The following APOL3 variants were observed in gnomAD, a reference collection of about 807,000 sequenced individuals.
The protein encoded by APOL3 is TNF-inducible protein CG12-1.
Under a neutral mutation model 11.6 loss-of-function variants are expected in APOL3, and 14 were observed. That is an observed-to-expected ratio of 1.21 (90% confidence interval 0.80 to 1.89). The LOEUF (loss-of-function observed/expected upper bound fraction) is 1.89, where lower values mean the gene tolerates loss of function less well. Among genes scored for constraint, APOL3 ranks in the 40% most tolerant of loss-of-function variants. APOL3 has a pLI of 0.00. For missense variants in APOL3, 483 were observed against 492.1 expected (o/e 0.98, Z 0.17); for synonymous variants, 192 against 190.6 (o/e 1.01, Z -0.06).
rs5750230 is a variant in APOL3, at chr22:36,154,337, T to G, written c.223+6332A>C. ...TTGTGATTATTATGATCATGTTTAC[T>G]TGGTCCAAGATGAATCTGTGAAAGG... On this transcript the variant is annotated intron_variant, in intron 1 of 2. Coordinates refer to ENST00000349314, the Ensembl canonical transcript of APOL3. 424 of 248,522 alleles carry G rather than the reference T, an allele frequency of 1.7e-3. 11 individuals are homozygous for G. The East Asian group carries it at 0.043, about 25-fold the overall frequency. 15.4% of individuals were successfully genotyped at this position (248,522 alleles called of 1,614,324 possible). A position where few individuals can be genotyped will look rare whatever the true frequency, so the allele number is the denominator to read the frequency against.
chr22:36,157,084 C>T (rs1240316256), intron 1 of APOL3: 2 of 453,254 alleles, frequency 4.4e-6, no homozygotes, highest in Non-Finnish European at 8.9e-6. Flanking sequence ...TCTGAGTTTC[C>T]ATTTATTTTC....
intron 1 of APOL3, among the ~76,000 whole-genome samples, chr22:36,150,656 G>A (rs1422977328): frequency 1.3e-5 from 2 of 152,214 alleles, no homozygotes; most frequent in Admixed American, 6.5e-5. Flanking sequence ...GGATCACGAG[G>A]TCAGGAGATC....
At chr22:36,140,457 G>C (rs1244544525) in exon 3 of APOL3, 3 of 152,212 alleles carry the variant, frequency 2.0e-5, no homozygotes, top group African/African-American at 7.2e-5. Context: ...TGCTGTATAT[G>C]AGTAATGAGA....
rs561665577 is a variant in APOL3, at chr22:36,141,595, CA to C, written c.813del (p.Asp272ThrfsTer38). 5.0e-5 allele frequency: 81 copies of C among 1,614,216 alleles called. 1 individual carries two copies. The South Asian group carries it at 8.8e-4, about 18-fold the overall frequency. ...AGGGAAAGTAAGTTGGGTGTGATGT[CA>C]CGCATAACTTCCTTAAATACCTTCA... On this transcript the variant is annotated frameshift_variant, in exon 3 of 3. Transcript: ENST00000349314. LOFTEE classifies it low-confidence loss of function (END_TRUNC).
intron 1 of APOL3, among the ~76,000 whole-genome samples, chr22:36,160,130 G>C (rs1342891416): frequency 6.6e-6 from 1 of 152,128 alleles, no homozygotes; most frequent in Non-Finnish European, 1.5e-5. Context: ...TGATCTACCC[G>C]TCTCGGCCTC....
Position 36,141,600 on chromosome 22 carries a change from A to G in APOL3, c.809T>C (p.Met270Thr), listed in dbSNP as rs1482458769. 6.2e-7 allele frequency: 1 copy of G among 1,614,220 alleles called. No homozygotes were observed. Among genetic ancestry groups the G allele is most frequent in the South Asian group, 1.1e-5 (1 of 91,088 alleles). ...AAGTAAGTTGGGTGTGATGTCACGC[A>G]TAACTTCCTTAAATACCTTCAATCG... Residue 270 changes from methionine to threonine, a missense_variant, in exon 3 of 3, where the codon ATG becomes ACG. Coordinates refer to ENST00000349314, the Ensembl canonical transcript of APOL3.
intron 1 of APOL3, chr22:36,153,219 T>A (rs2012102834): frequency 3.0e-6 from 1 of 331,022 alleles, no homozygotes; most frequent in Non-Finnish European, 6.1e-6. Context: ...CGTATACACT[T>A]ATTAATTGAT....
intron 1 of APOL3, among the ~76,000 whole-genome samples, chr22:36,147,566 T>TTGC (rs1319547883): frequency 6.6e-6 from 1 of 152,176 alleles, no homozygotes; most frequent in African/African-American, 2.4e-5. Context: ...AGAGCCCAGT[T>TTGC]TGCTGTCCAG....
At chr22:36,160,630 G>A (rs1314172149) in intron 1 of APOL3, 39 bp downstream of exon 1, 2 of 1,596,570 alleles carry the variant, frequency 1.3e-6, no homozygotes, top group East Asian at 2.2e-5. Flanking sequence ...CTGCTGTGAG[G>A]ATGGGGAGAT....
chr22:36,157,215 C>A (rs563368398), intron 1 of APOL3, among the ~76,000 whole-genome samples: 11 of 152,330 alleles, frequency 7.2e-5, no homozygotes, highest in Non-Finnish European at 1.3e-4. Context: ...TCCCCTCCCC[C>A]ACGGCAATGG....
chr22:36,164,749 A>G (rs1268445599), upstream of APOL3: 4 of 152,174 alleles, frequency 2.6e-5, no homozygotes, highest in Admixed American at 6.6e-5. Context: ...CAGTCTCACA[A>G]CTTCGGGCAA....
Position 36,145,487 on chromosome 22 carries a change from C to T in APOL3, c.336G>A (p.Ala112=), listed in dbSNP as rs576698455. ...ACGGAGGTTACCTGGGCAATTCAGC[C>T]GCAGTCACGAATCTCTTCCAGGCTT... Residue 112 remains alanine, a synonymous_variant, in exon 2 of 3, where the codon GCG becomes GCA. Coordinates refer to ENST00000349314, the Ensembl canonical transcript of APOL3. 4.1e-5 allele frequency: 66 copies of T among 1,614,036 alleles called. No individual in the cohort carries two copies. In the South Asian group the frequency reaches 5.6e-4, roughly 14 times the overall value.
Position 36,142,951 on chromosome 22 carries a change from G to A in APOL3, c.351-893C>T, listed in dbSNP as rs998360203. Reference sequence around the variant, plus strand: ...CTGAGCATTCTTGCTGTCTGATCACGGTCTTCACCCGCTCCTTACCTGCCT... The same window carrying A: ...CTGAGCATTCTTGCTGTCTGATCACAGTCTTCACCCGCTCCTTACCTGCCT... On this transcript the variant is annotated intron_variant, in intron 2 of 2. Coordinates refer to ENST00000349314, the Ensembl canonical transcript of APOL3. Among the ~76,000 whole-genome samples the A allele has an allele frequency of 8.5e-5, 13 of 152,160 alleles. No homozygotes were observed. The East Asian group carries it at 2.1e-3, about 25-fold the overall frequency.
intron 1 of APOL3, 120 bp from the exon 3 acceptor site, chr22:36,145,719 T>G (rs1276177662): frequency 2.3e-6 from 3 of 1,283,844 alleles, no homozygotes; most frequent in Non-Finnish European, 2.2e-6. Context: ...GTATTTTTGA[T>G]GGAGGCATCA....
At chr22:36,158,091 A>G (rs1212152075) in intron 1 of APOL3, among the ~76,000 whole-genome samples, 1 of 152,150 alleles carries the variant, frequency 6.6e-6, no homozygotes, top group Non-Finnish European at 1.5e-5. Flanking sequence ...AAATGGGTAA[A>G]AGATAGGATC....
chr22:36,150,015 T>G (rs1169425144), intron 1 of APOL3: 8 of 414,794 alleles, frequency 1.9e-5, no homozygotes, highest in Non-Finnish European at 3.9e-5. Flanking sequence ...CTTGCTTTGT[T>G]GCCCAGAGCT....
chr22:36,160,870 C>T (rs1257138080), exon 1 of APOL3: 8 of 1,613,380 alleles, frequency 5.0e-6, no homozygotes, highest in Non-Finnish European at 5.9e-6. Flanking sequence ...GCTTCCCAGC[C>T]CCACCCTTGG....
upstream of APOL3, among the ~76,000 whole-genome samples, chr22:36,164,380 A>G (rs776264162): frequency 6.6e-4 from 101 of 152,196 alleles, 1 homozygote; most frequent in Non-Finnish European, 1.5e-4. Context: ...TTAAAAGTCT[A>G]TACCAACAAA....
At chr22:36,145,997 T>A (rs1214342231) in intron 1 of APOL3, 63 of 134,960 alleles carry the variant, frequency 4.7e-4, no homozygotes, top group African/African-American at 1.5e-3. Flanking sequence ...TCTCTCTCTC[T>A]CTCTCACACA....
Sources: allele counts gnomAD v4.1 joint callset (sites outside exome capture counted in the v4.1 genomes callset), GRCh38; gene constraint gnomAD v4.1.1; transcripts MANE v1.5; gene names NCBI Gene and HGNC (gene_info 2026-07-23, HGNC 2026-07-21).